TOR1B: variants seen among roughly 807,000 people sequenced by gnomAD.
TOR1B encodes torsin family 1 member B, also known as torsin-1B.
A neutral mutation model predicts 29.2 loss-of-function variants in TOR1B; 14 were observed. The ratio of observed to expected loss-of-function variants is 0.48; its 90% CI spans 0.32 to 0.75. The LOEUF (loss-of-function observed/expected upper bound fraction) is 0.75, where lower values mean the gene tolerates loss of function less well. TOR1B is among the 30% of genes least tolerant of loss of function. The pLI is 0.04. For synonymous variants in TOR1B, 166 were observed against 179.8 expected (o/e 0.92, Z 0.62); for missense variants, 400 against 433.9 (o/e 0.92, Z 0.69).
chr9:129,809,712 C>CT lies in TOR1B; in HGVS notation c.*137dup, dbSNP rs577501387. The CT allele has an allele frequency of 1.4e-4, 206 of 1,473,802 alleles. No homozygotes were observed. In the African/African-American group the frequency reaches 2.0e-3, roughly 14 times the overall value. 91.3% of individuals were successfully genotyped at this position (1,473,802 alleles called of 1,614,324 possible). ...CACCTTAGACTTTTGGGTATAGAATCTTTTTTTTGAGAAGAGGTCTCACTC... is the reference window on the plus strand; with the variant it reads ...CACCTTAGACTTTTGGGTATAGAATCTTTTTTTTTGAGAAGAGGTCTCACTC... On this transcript the variant is annotated 3_prime_UTR_variant, in exon 5 of 5. Transcript: ENST00000259339.
chr9:129,809,327 T>C lies in TOR1B; in HGVS notation c.770-15T>C, dbSNP rs1258476477. 6.2e-7 allele frequency: 1 copy of C among 1,613,410 alleles called. No homozygotes were observed. The highest frequency in any genetic ancestry group is 1.7e-5 in the Admixed American group (1 of 60,008). ...GCGGTGGTGGCAGGAAACCCAGCTG[T>C]GTCTTGTTCTGCAGGTGGCCTGTGG... On this transcript the variant is annotated splice_polypyrimidine_tract_variant and intron_variant, in intron 4 of 4. Coordinates refer to ENST00000259339, the MANE Select transcript of TOR1B (RefSeq NM_014506.3).
Position 129,803,216 on chromosome 9 carries a change from T to G in TOR1B, c.4T>G (p.Leu2Val). The change falls in exon 1 of 5, where the codon TTG (leucine) becomes GTG (valine). Residue 2 changes from leucine to valine, a missense_variant. Leu to Val is a conservative substitution (Grantham distance 32). Coordinates refer to ENST00000259339, the MANE Select transcript of TOR1B (RefSeq NM_014506.3). The stretch of plus-strand genomic sequence containing the variant: ...TCTGCGGGCTTCGAGGAGCGGGATG[T>G]TGCGGGCTGGGTGGCTCCGGGGCGC... M[L>V]RAGWLRGAAA... The G allele has an allele frequency of 6.7e-7, 1 of 1,496,180 alleles. No homozygotes were observed. The highest frequency in any genetic ancestry group is 8.8e-7 in the Non-Finnish European group (1 of 1,130,734). The allele number at this position is 1,496,180 out of a possible 1,614,324, so 92.7% of individuals were successfully genotyped here.
At chr9:129,806,880 GT>G (rs2030512090) in intron 2 of TOR1B, among the ~76,000 whole-genome samples, 1 of 152,092 alleles carries the variant, frequency 6.6e-6, no homozygotes, top group African/African-American at 2.4e-5. Context: ...GTGAGACCCT[GT>G]TTCCAAAGAC....
chr9:129,806,893 A>G (rs11793162), intron 2 of TOR1B, among the ~76,000 whole-genome samples: 38,382 of 151,968 alleles, frequency 0.25, 4,858 homozygotes, highest in South Asian at 0.32. Context: ...TCCAAAGACA[A>G]AAAAGAGAAG....
chr9:129,806,122 A>T (rs1267307498), intron 2 of TOR1B, among the ~76,000 whole-genome samples: 1 of 73,392 alleles, frequency 1.4e-5, no homozygotes, highest in Non-Finnish European at 2.7e-5. Context: ...CTCTATCTCA[A>T]AAAAAAAAAA....
Position 129,809,473 on chromosome 9 carries a change from G to T in TOR1B, c.901G>T (p.Glu301Ter). The T allele has an allele frequency of 6.2e-7, 1 of 1,614,210 alleles. No homozygotes were observed. The highest frequency in any genetic ancestry group is 8.5e-7 in the Non-Finnish European group (1 of 1,180,036). The change falls in exon 5 of 5, where the codon GAA becomes TAA. Residue 301 changes from glutamate to a stop codon, truncating the protein, a stop_gained. Transcript: ENST00000259339. LOFTEE classifies it high-confidence loss of function. The part of the protein sequence containing the change: ...EMRARGSAID[E>*]DIVTRVAEEM... ...GAGGGCCCGTGGTTCTGCCATAGAT[G>T]AAGACATTGTCACAAGAGTGGCAGA...
Position 129,809,943 on chromosome 9 carries a change from G to A in TOR1B, c.*360G>A. On this transcript the variant is annotated 3_prime_UTR_variant, in exon 5 of 5. Coordinates refer to ENST00000259339, the MANE Select transcript of TOR1B (RefSeq NM_014506.3). ...GCATTTGTCATTTAGCAAGATGGCA[G>A]CAGTCCAGCTGTTCTTTGCAGCTGG... 1 of 1,188,194 alleles carries A rather than the reference G, an allele frequency of 8.4e-7. No individual in the cohort carries two copies. Among genetic ancestry groups the A allele is most frequent in the South Asian group, 1.7e-5 (1 of 59,652 alleles). The allele number at this position is 1,188,194 out of a possible 1,614,324, so 73.6% of individuals were successfully genotyped here. A position where few individuals can be genotyped will look rare whatever the true frequency, so the allele number is the denominator to read the frequency against.
At position 129,803,221 on chromosome 9, in the gene TOR1B, G is replaced by A. The variant is rs1428923532; in HGVS notation, c.9G>A (p.Arg3=). The change falls in exon 1 of 5, where the codon CGG becomes CGA. Residue 3 remains arginine (R), a synonymous_variant. Transcript: ENST00000259339. ...GGGCTTCGAGGAGCGGGATGTTGCG[G>A]GCTGGGTGGCTCCGGGGCGCGGCGG... ML[R]AGWLRGAAAL... 22 of 1,515,840 alleles carry A rather than the reference G, an allele frequency of 1.5e-5. No individual in the cohort carries two copies. The highest frequency in any genetic ancestry group is 2.0e-5 in the Admixed American group (1 of 48,854). The allele number at this position is 1,515,840 out of a possible 1,614,324, so 93.9% of individuals were successfully genotyped here. A position where few individuals can be genotyped will look rare whatever the true frequency, so the allele number is the denominator to read the frequency against.
At chr9:129,807,605 C>T (rs1381872451) in intron 3 of TOR1B, among the ~76,000 whole-genome samples, 1 of 152,106 alleles carries the variant, frequency 6.6e-6, no homozygotes, top group Non-Finnish European at 1.5e-5. Flanking sequence ...GTAATCCCAG[C>T]ACTTTGGGAG....
chr9:129,808,495 G>A lies in TOR1B; in HGVS notation c.642-410G>A, dbSNP rs545530573. Among the ~76,000 whole-genome samples, 43 of 148,510 alleles carry A rather than the reference G, an allele frequency of 2.9e-4. No homozygotes were observed. The South Asian group carries it at 5.5e-3, about 19-fold the overall frequency. On this transcript the variant is annotated intron_variant, in intron 3 of 4. Coordinates refer to ENST00000259339, the MANE Select transcript of TOR1B (RefSeq NM_014506.3). ...GCCTGCGTGACAGAGTGTCTCAAAA[G>A]GAAAAATAGACTTAGAGCAGATTCA... is the stretch of plus-strand genomic sequence containing the variant.
rs761039008 is a variant in TOR1B at position 129,803,196 on chromosome 9, G to T, written c.-17G>T. ...GGGCGCCTGGCTCAGTGGCTTCTGC[G>T]GGCTTCGAGGAGCGGGATGTTGCGG... is the stretch of plus-strand genomic sequence containing the variant. On this transcript the variant is annotated 5_prime_UTR_variant, in exon 1 of 5. Coordinates refer to ENST00000259339, the MANE Select transcript of TOR1B (RefSeq NM_014506.3). The T allele has an allele frequency of 6.9e-7, 1 of 1,444,870 alleles. No homozygotes were observed. The highest frequency in any genetic ancestry group is 9.1e-7 in the Non-Finnish European group (1 of 1,104,022). The allele number at this position is 1,444,870 out of a possible 1,614,324, so 89.5% of individuals were successfully genotyped here.
intron 4 of TOR1B, 118 bp downstream of exon 4, chr9:129,809,150 A>T (rs2030683056): frequency 6.6e-7 from 1 of 1,520,108 alleles, no homozygotes; most frequent in African/African-American, 1.4e-5. Context: ...TGCTAAAGTC[A>T]GGAATTTTCT....
rs1209419183 is a variant in TOR1B at position 129,811,058 on chromosome 9, T to C, written c.*1475T>C. On this transcript the variant is annotated 3_prime_UTR_variant, in exon 5 of 5. Transcript: ENST00000259339. Reference sequence around the variant, plus strand: ...CTGCAGACACAACAACGTGCAGCATTTTTTACATAAAAATATGGTAGAATT... The same window carrying C: ...CTGCAGACACAACAACGTGCAGCATCTTTTACATAAAAATATGGTAGAATT... 6.6e-6 allele frequency: 1 copy of C among 152,174 alleles called. No individual in the cohort carries two copies. Among genetic ancestry groups the C allele is most frequent in the African/African-American group, 2.4e-5 (1 of 41,436 alleles). The allele number at this position is 152,174 out of a possible 1,614,324, so 9.4% of individuals were successfully genotyped here.
chr9:129,804,836 C>CAAA (rs34803368), intron 2 of TOR1B, among the ~76,000 whole-genome samples: 571 of 50,326 alleles, frequency 0.011, 7 homozygotes, highest in African/African-American at 0.03. Flanking sequence ...TACTCGGTCT[C>CAAA]AAAAAAAAAA....
chr9:129,806,325 A>G (rs1247890340), intron 2 of TOR1B, among the ~76,000 whole-genome samples: 1 of 152,148 alleles, frequency 6.6e-6, no homozygotes, highest in African/African-American at 2.4e-5. Context: ...GGTTGAGGGC[A>G]TGTCTGGGGG....
rs146485680 is a variant in TOR1B, at chr9:129,804,125, A to G, written c.252A>G (p.Glu84=). 584 of 1,614,212 alleles carry G rather than the reference A, an allele frequency of 3.6e-4. 3 individuals carry two copies. The Admixed American group carries it at 9.1e-3, about 25-fold the overall frequency. ...TGTTTGGACAGCATCTAGCCACGGA[A>G]GTGATTTTCAAGGCGCTGACTGGCT... The part of the protein sequence containing the change: ...EKLFGQHLAT[E]VIFKALTGFR... Residue 84 remains glutamate (E), a synonymous_variant, in exon 2 of 5, where the codon GAA becomes GAG. Transcript: ENST00000259339.
rs1449316208 is a variant in TOR1B at position 129,810,356 on chromosome 9, G to T, written c.*773G>T. Reference sequence around the variant, plus strand: ...TGACCTGTGTGTGTGTGTGTGGGGGGGTGGGGCCTTCACCTAAGACCTCTG... The same window carrying T: ...TGACCTGTGTGTGTGTGTGTGGGGGTGTGGGGCCTTCACCTAAGACCTCTG... On this transcript the variant is annotated 3_prime_UTR_variant, in exon 5 of 5. Transcript: ENST00000259339. 1.9e-6 allele frequency: 2 copies of T among 1,045,326 alleles called. No homozygotes were observed. Among genetic ancestry groups the T allele is most frequent in the South Asian group, 3.0e-5 (2 of 66,358 alleles). The allele number at this position is 1,045,326 out of a possible 1,614,324, so 64.8% of individuals were successfully genotyped here.
At chr9:129,803,614 G>C (rs892049973) in intron 1 of TOR1B, among the ~76,000 whole-genome samples, 3 of 152,252 alleles carry the variant, frequency 2.0e-5, no homozygotes, top group African/African-American at 7.2e-5. Context: ...TTCGCAAACA[G>C]TCTCCAGATC....
rs112782023 is a variant in TOR1B at position 129,808,779 on chromosome 9, C to T, written c.642-126C>T. ...GTTGGTCAGGCTGGCCTTGAACTCC[C>T]GACCTCAGGTGATCTACCTGCCTCG... On this transcript the variant is annotated intron_variant, in intron 3 of 4. Coordinates refer to ENST00000259339, the MANE Select transcript of TOR1B (RefSeq NM_014506.3). 26 of 1,193,704 alleles carry T rather than the reference C, an allele frequency of 2.2e-5. No homozygotes were observed. In the East Asian group the frequency reaches 2.3e-4, roughly 11 times the overall value. The allele number at this position is 1,193,704 out of a possible 1,614,324, so 73.9% of individuals were successfully genotyped here. A position where few individuals can be genotyped will look rare whatever the true frequency, so the allele number is the denominator to read the frequency against.
Sources: gnomAD v4.1 joint callset for allele counts (sites outside exome capture counted in the v4.1 genomes callset) on GRCh38, gnomAD v4.1.1 for gene constraint, MANE v1.5 for transcripts, NCBI Gene and HGNC (gene_info 2026-07-23, HGNC 2026-07-21) for gene names.